Variants in ANKFY1 observed in about 807,000 individuals in gnomAD.
ANKFY1 encodes the protein ankyrin repeat and FYVE domain-containing protein 1.
ANKFY1 carries 47 observed loss-of-function variants against 128.3 expected under a neutral mutation model. That is an observed-to-expected ratio of 0.37 (90% CI 0.29 to 0.47). The LOEUF is 0.47. Ranked by LOEUF, ANKFY1 falls within the 20% of genes least tolerant of loss-of-function variation. ANKFY1 has a pLI of 1.00. For synonymous variants in ANKFY1, 553 were observed against 601.6 expected (o/e 0.92, Z 1.18); for missense variants, 1,222 against 1,510.6 (o/e 0.81, Z 3.17).
At chr17:4,223,958 A>C in intron 3 of ANKFY1, 1 of 551,970 alleles carries the variant, frequency 1.8e-6, no homozygotes, top group Non-Finnish European at 3.2e-6. Flanking sequence ...TTAGAATCTG[A>C]ACTTTTTAAG....
At chr17:4,180,178 A>T (rs2059484672) in intron 16 of ANKFY1, 5 of 322,344 alleles carry the variant, frequency 1.6e-5, no homozygotes, top group Non-Finnish European at 2.3e-5. Context: ...CTCTAATCCC[A>T]GCACTTTGGG....
rs1218980925 is a variant in ANKFY1, at chr17:4,173,404, G to T, written c.2964C>A (p.Ile988=). The T allele has an allele frequency of 6.2e-7, 1 of 1,614,212 alleles. No individual in the cohort carries two copies. The change falls in exon 21 of 25, where the codon ATC becomes ATA. Residue 988 remains isoleucine (I), a synonymous_variant. Transcript: ENST00000341657. ...CTGTGCACTCTGTCAGGAGAACCCGGATGTTGTTGAGCCGGCCGTGCATGA... is the reference window on the plus strand; with the variant it reads ...CTGTGCACTCTGTCAGGAGAACCCGTATGTTGTTGAGCCGGCCGTGCATGA... The part of the protein sequence containing the change: ...LAVMHGRLNN[I]RVLLTECTVD...
intron 2 of ANKFY1, among the ~76,000 whole-genome samples, chr17:4,239,923 A>G (rs2143345084): frequency 6.6e-6 from 1 of 152,280 alleles, no homozygotes; most frequent in African/African-American, 2.4e-5. Flanking sequence ...CTTCTTATGT[A>G]CATTCACATC....
At chr17:4,255,091 A>T (rs957705499) in intron 1 of ANKFY1, among the ~76,000 whole-genome samples, 9 of 151,792 alleles carry the variant, frequency 5.9e-5, no homozygotes, top group African/African-American at 2.2e-4. Flanking sequence ...TAGTAAATGC[A>T]CTCTACTCCC....
intron 1 of ANKFY1, among the ~76,000 whole-genome samples, chr17:4,246,875 T>G (rs8078942): frequency 0.95 from 144,453 of 152,226 alleles, 69,035 homozygotes; most frequent in East Asian, 1. Context: ...ACTTTGTGGG[T>G]CCCAGGCAGG....
chr17:4,210,964 G>C (rs979368718), intron 4 of ANKFY1, among the ~76,000 whole-genome samples: 1 of 151,956 alleles, frequency 6.6e-6, no homozygotes, highest in Non-Finnish European at 1.5e-5. Flanking sequence ...CCCAGGAGGC[G>C]GAGATTGCAG....
intron 3 of ANKFY1, among the ~76,000 whole-genome samples, chr17:4,231,247 A>G (rs2060507545): frequency 6.6e-6 from 1 of 152,200 alleles, no homozygotes; most frequent in Non-Finnish European, 1.5e-5. Flanking sequence ...TGAAATTCCA[A>G]CACTTTGGGT....
At chr17:4,220,555 C>A (rs1326713723) in intron 3 of ANKFY1, among the ~76,000 whole-genome samples, 2 of 152,156 alleles carry the variant, frequency 1.3e-5, no homozygotes, top group Non-Finnish European at 2.9e-5. Context: ...CCTAGATTAT[C>A]AAAAAACTTT....
rs575529152 is a variant in ANKFY1 at position 4,176,603 on chromosome 17, C to A, written c.2775+523G>T. On this transcript the variant is annotated intron_variant, in intron 19 of 24. Coordinates refer to ENST00000341657, the MANE Select transcript of ANKFY1 (RefSeq NM_001330063.2). ...TACGTAAACACACCACATGCACTTC[C>A]CAATCTCCACATCTTTACTGAGACC... 2.6e-5 allele frequency among the ~76,000 whole-genome samples: 4 copies of A among 152,322 alleles called. No homozygotes were observed. In the South Asian group the frequency reaches 8.3e-4, roughly 32 times the overall value.
chr17:4,208,593 A>T (rs2143016473), intron 5 of ANKFY1, among the ~76,000 whole-genome samples: 1 of 152,354 alleles, frequency 6.6e-6, no homozygotes, highest in Middle Eastern at 3.4e-3. Context: ...TTTAAAAGAA[A>T]GGTTACCAAT....
At chr17:4,255,707 C>T (rs1042013815) in intron 1 of ANKFY1, among the ~76,000 whole-genome samples, 8 of 151,988 alleles carry the variant, frequency 5.3e-5, no homozygotes, top group Non-Finnish European at 1.2e-4. Context: ...TAGGATCTTC[C>T]ACAAAAAAAT....
At chr17:4,195,617 T>C (rs1287318582) in intron 8 of ANKFY1, 146 bp from the exon 9 acceptor site, 3 of 699,076 alleles carry the variant, frequency 4.3e-6, no homozygotes, top group Non-Finnish European at 7.6e-6. Context: ...TGACCCAGTA[T>C]CAAAACCTGA....
chr17:4,178,787 A>G lies in ANKFY1; in HGVS notation c.2598+70T>C. On this transcript the variant is annotated intron_variant, in intron 18 of 24. Coordinates refer to ENST00000341657, the MANE Select transcript of ANKFY1 (RefSeq NM_001330063.2). This position sits in a 1 kb window ranked among gnomAD's most constrained non-coding sequence, Gnocchi z 4.1. Reference sequence around the variant, plus strand: ...CATGAGGAGACCTGTTTAGTCGGTGACATCTGTCTAGTCTCCAGGTTCCGC... The same window carrying G: ...CATGAGGAGACCTGTTTAGTCGGTGGCATCTGTCTAGTCTCCAGGTTCCGC... The G allele has an allele frequency of 1.4e-6, 2 of 1,442,922 alleles. No homozygotes were observed. Among genetic ancestry groups the G allele is most frequent in the Non-Finnish European group, 1.9e-6 (2 of 1,032,606 alleles). 89.4% of individuals were successfully genotyped at this position (1,442,922 alleles called of 1,614,324 possible).
At chr17:4,222,697 C>A (rs1048262888) in intron 3 of ANKFY1, 1 of 864,536 alleles carries the variant, frequency 1.2e-6, no homozygotes, top group Admixed American at 1.7e-5. Context: ...CCAACCACTT[C>A]TACGCGTGTT....
chr17:4,183,037 T>A (rs1360890050), intron 14 of ANKFY1, among the ~76,000 whole-genome samples: 1 of 151,960 alleles, frequency 6.6e-6, no homozygotes. Flanking sequence ...ACCCAGTAGG[T>A]GGAGGCCGCA....
intron 16 of ANKFY1, among the ~76,000 whole-genome samples, chr17:4,180,793 GAA>G (rs2059501031): frequency 7.2e-6 from 1 of 138,336 alleles, no homozygotes; most frequent in Admixed American, 7.2e-5. Flanking sequence ...AAGAAAGAAA[GAA>G]AACCAGAAAA....
chr17:4,262,615 C>G (rs1399066014), intron 1 of ANKFY1, among the ~76,000 whole-genome samples: 1 of 151,938 alleles, frequency 6.6e-6, no homozygotes, highest in Non-Finnish European at 1.5e-5. Flanking sequence ...GGTGTGGTGG[C>G]GAGCGCCCCT....
chr17:4,173,377 C>T lies in ANKFY1; in HGVS notation c.2991G>A (p.Val997=), dbSNP rs777643464. Residue 997 remains valine (V), a synonymous_variant, in exon 21 of 25, where the codon GTG becomes GTA. Transcript: ENST00000341657. The part of the protein sequence containing the change: ...NIRVLLTECT[V]DAEAFNLRGQ... ...ACCTGAGATTAAAGGCTTCGGCGTC[C>T]ACTGTGCACTCTGTCAGGAGAACCC... The T allele has an allele frequency of 1.9e-6, 3 of 1,614,180 alleles. No homozygotes were observed. The highest frequency in any genetic ancestry group is 2.5e-6 in the Non-Finnish European group (3 of 1,180,010).
chr17:4,224,941 GT>G (rs963635669), intron 3 of ANKFY1, among the ~76,000 whole-genome samples: 1,388 of 131,900 alleles, frequency 0.011, 16 homozygotes, highest in African/African-American at 0.03. Flanking sequence ...TTGAGTTGTC[GT>G]TTTTTTTTTT....
Sources: gnomAD v4.1 joint callset for allele counts (sites outside exome capture counted in the v4.1 genomes callset) on GRCh38, gnomAD v4.1.1 for gene constraint, Gnocchi (gnomAD v3.1) non-coding constraint, MANE v1.5 for transcripts, NCBI Gene and HGNC (gene_info 2026-07-23, HGNC 2026-07-21) for gene names.